BBIP1: variants seen among roughly 807,000 people sequenced by gnomAD.
BBIP1 encodes the protein BBSome-interacting protein 1.
A neutral mutation model predicts 8.9 loss-of-function variants in BBIP1; 6 were observed. That is an observed-to-expected ratio of 0.67 (90% confidence interval 0.37 to 1.33). BBIP1 has a LOEUF of 1.33. Ranked by LOEUF, BBIP1 falls within the 40% of genes most tolerant of loss-of-function variation. The pLI is 0.02. For synonymous variants in BBIP1, 32 were observed against 33.4 expected (o/e 0.96, Z 0.14); for missense variants, 111 against 109.2 (o/e 1.02, Z -0.07).
chr10:110,901,163 T>G, intron 3 of BBIP1: 1 of 450,238 alleles, frequency 2.2e-6, no homozygotes, highest in Non-Finnish European at 4.4e-6. Context: ...TGGTAGCACA[T>G]GCCTGTAGTA....
chr10:110,901,708 T>C (rs960617389), intron 2 of BBIP1, 96 bp from the exon 3 acceptor site: 1 of 928,338 alleles, frequency 1.1e-6, no homozygotes, highest in African/African-American at 1.6e-5. Context: ...TCCAAATTCC[T>C]ATAGAAAGTG....
In BBIP1 at chr10:110,900,314, A is replaced by AAAT; in HGVS notation, c.*43_*45dup. The AAAT allele has an allele frequency of 6.8e-7, 1 of 1,478,182 alleles. No homozygotes were observed. The highest frequency in any genetic ancestry group is 1.4e-5 in the African/African-American group (1 of 71,020). The allele number at this position is 1,478,182 out of a possible 1,614,324, so 91.6% of individuals were successfully genotyped here. On this transcript the variant is annotated 3_prime_UTR_variant, in exon 4 of 4. Coordinates refer to ENST00000448814, the MANE Select transcript of BBIP1 (RefSeq NM_001195305.3). ...AGAAGCATATTTTCTAGTTATTGTT[A>AAAT]AATAGTAGATAAGGCAGGTTGTTCC...
At chr10:110,914,256 TAA>T (rs572445169) in intron 2 of BBIP1, among the ~76,000 whole-genome samples, 187 of 152,252 alleles carry the variant, frequency 1.2e-3, no homozygotes, top group Non-Finnish European at 2.0e-3. Flanking sequence ...ATACTTTATG[TAA>T]AGAGTATTTT....
chr10:110,910,800 G>A (rs936662978), intron 2 of BBIP1: 3 of 152,242 alleles, frequency 2.0e-5, no homozygotes, highest in South Asian at 2.1e-4. Context: ...CCATGAGTTC[G>A]GTTTAGATTC....
chr10:110,917,194 AT>A (rs67066048), intron 2 of BBIP1, among the ~76,000 whole-genome samples: 5,920 of 107,656 alleles, frequency 0.055, 112 homozygotes, highest in South Asian at 0.16. Context: ...CTGGATCCTG[AT>A]TTTTTTTTTT....
chr10:110,909,670 CTT>C (rs144192612), intron 2 of BBIP1, among the ~76,000 whole-genome samples: 2 of 152,300 alleles, frequency 1.3e-5, no homozygotes, highest in East Asian at 3.9e-4. Context: ...AAGTATAAAT[CTT>C]TACAGTGGAC....
At chr10:110,916,822 C>T (rs1846415238) in intron 2 of BBIP1, among the ~76,000 whole-genome samples, 1 of 152,172 alleles carries the variant, frequency 6.6e-6, no homozygotes, top group East Asian at 1.9e-4. Flanking sequence ...ATGTTGCCAA[C>T]CCAAGGCACT....
At chr10:110,900,967 TA>T (rs577185243) in intron 3 of BBIP1, 12 of 235,194 alleles carry the variant, frequency 5.1e-5, no homozygotes, top group African/African-American at 2.8e-4. Context: ...TTTAACATAG[TA>T]AATTCCATTA....
chr10:110,904,749 G>A (rs1846089308), intron 2 of BBIP1: 1 of 152,172 alleles, frequency 6.6e-6, no homozygotes, highest in Non-Finnish European at 1.5e-5. Context: ...TTCAGCAATA[G>A]ATGAAGCTGA....
chr10:110,918,537 T>C (rs1846497779), intron 1 of BBIP1, among the ~76,000 whole-genome samples: 1 of 152,188 alleles, frequency 6.6e-6, no homozygotes, highest in Non-Finnish European at 1.5e-5. Flanking sequence ...TGAAAGTACT[T>C]AATAGGAACT....
chr10:110,915,152 ACTTTTT>A (rs781208676), intron 2 of BBIP1, among the ~76,000 whole-genome samples: 40 of 152,064 alleles, frequency 2.6e-4, no homozygotes, highest in Non-Finnish European at 4.6e-4. Flanking sequence ...GAATCAGAAT[ACTTTTT>A]CTTTTTTTGT....
intron 1 of BBIP1, 32 bp from the exon 2 acceptor site, chr10:110,918,245 G>T: frequency 1.7e-6 from 2 of 1,170,644 alleles, no homozygotes; most frequent in African/African-American, 3.1e-5. Context: ...CTTTGTAAAG[G>T]GCCATATAAA....
At chr10:110,909,491 G>T (rs777479377) in intron 2 of BBIP1, among the ~76,000 whole-genome samples, 4 of 152,214 alleles carry the variant, frequency 2.6e-5, no homozygotes, top group African/African-American at 7.2e-5. Flanking sequence ...ACCGTGCCCG[G>T]CCAGAAAAGG....
chr10:110,914,453 T>C (rs1846349254), intron 2 of BBIP1, among the ~76,000 whole-genome samples: 1 of 151,640 alleles, frequency 6.6e-6, no homozygotes, highest in African/African-American at 2.4e-5. Flanking sequence ...AATGTAAATA[T>C]GAGAAAAAGG....
intron 3 of BBIP1, 76 bp from the exon 4 acceptor site, chr10:110,900,602 G>T: frequency 8.1e-7 from 1 of 1,235,064 alleles, no homozygotes; most frequent in Non-Finnish European, 1.1e-6. Flanking sequence ...CAGCTAGAAT[G>T]AAGGTCTAAA....
In BBIP1 at chr10:110,899,297, G is replaced by A. The variant is rs914204576; in HGVS notation, c.*1063C>T. On this transcript the variant is annotated 3_prime_UTR_variant, in exon 4 of 4. Coordinates refer to ENST00000448814, the MANE Select transcript of BBIP1 (RefSeq NM_001195305.3). Reference sequence around the variant, plus strand: ...CTGCTTACAGGTTTAGATATAGTCTGTTAGAATTAAAACCAAGTTTAGTGT... The same window carrying A: ...CTGCTTACAGGTTTAGATATAGTCTATTAGAATTAAAACCAAGTTTAGTGT... 2.0e-5 allele frequency: 3 copies of A among 152,138 alleles called. No individual in the cohort carries two copies. Among genetic ancestry groups the A allele is most frequent in the African/African-American group, 7.2e-5 (3 of 41,414 alleles). 9.4% of individuals were successfully genotyped at this position (152,138 alleles called of 1,614,324 possible).
intron 2 of BBIP1, chr10:110,907,846 A>G: frequency 1.5e-6 from 1 of 678,806 alleles, no homozygotes; most frequent in Non-Finnish European, 2.6e-6. Flanking sequence ...CCTGGGAAGG[A>G]AAAAAGTTAA....
At chr10:110,901,782 G>T (rs1846010115) in intron 2 of BBIP1, 170 bp from the exon 3 acceptor site, 2 of 599,264 alleles carry the variant, frequency 3.3e-6, no homozygotes, top group Admixed American at 2.7e-5. Context: ...GTTTGTATAA[G>T]CATTTAGATC....
chr10:110,905,187 GT>G (rs1846099293), intron 2 of BBIP1, among the ~76,000 whole-genome samples: 1 of 152,188 alleles, frequency 6.6e-6, no homozygotes, highest in African/African-American at 2.4e-5. Flanking sequence ...ATTTTACTCT[GT>G]TTTAGGAGTG....
Sources: gnomAD v4.1 joint callset for allele counts (sites outside exome capture counted in the v4.1 genomes callset) on GRCh38, gnomAD v4.1.1 for gene constraint, MANE v1.5 for transcripts, NCBI Gene and HGNC (gene_info 2026-07-23, HGNC 2026-07-21) for gene names.